The following LMO7 variants were observed in gnomAD, a reference collection of about 807,000 sequenced individuals.
LMO7 encodes LIM domain 7.
LMO7 carries 120 observed loss-of-function variants against 206.5 expected under a neutral mutation model. The ratio of observed to expected loss-of-function variants is 0.58; its 90% CI spans 0.50 to 0.68. The LOEUF (loss-of-function observed/expected upper bound fraction) is 0.68. Ranked by LOEUF, LMO7 falls within the 30% of genes least tolerant of loss-of-function variation. The pLI is 0.00. For synonymous variants in LMO7, 706 were observed against 681.5 expected (o/e 1.04, Z -0.56); for missense variants, 1,959 against 1,957.9 (o/e 1.00, Z -0.01).
intron 1 of LMO7, among the ~76,000 whole-genome samples, chr13:75,697,835 A>G (rs551373202): frequency 6.6e-6 from 1 of 152,334 alleles, no homozygotes; most frequent in South Asian, 2.1e-4. Flanking sequence ...CAGTGTATCT[A>G]CTTTTGAGAT....
At chr13:75,675,729 T>TA (rs1392349356) in intron 1 of LMO7, among the ~76,000 whole-genome samples, 1 of 152,246 alleles carries the variant, frequency 6.6e-6, no homozygotes, top group Non-Finnish European at 1.5e-5. Flanking sequence ...TCATTCATTG[T>TA]AAAATGCTTT....
Position 75,823,752 on chromosome 13 carries a change from C to A in LMO7, c.2828C>A (p.Ser943Tyr), listed in dbSNP as rs1320246912. ...CCCTCTCCTACATCCCCCTTCTCAT[C>A]TCTTTCCCAAGACCAGGCTGCCACT... Reference protein sequence around the residue: ...RLPSPTSPFSSLSQDQAATSK... With the variant: ...RLPSPTSPFSYLSQDQAATSK... Residue 943 changes from serine (S) to tyrosine (Y), a missense_variant, in exon 15 of 31, where the codon TCT (serine) becomes TAT (tyrosine). By Grantham distance (144) the Ser-to-Tyr change is moderately radical. Coordinates refer to ENST00000377534, the MANE Select transcript of LMO7 (RefSeq NM_001306080.2). The A allele has an allele frequency of 1.2e-6, 2 of 1,614,136 alleles. No individual in the cohort carries two copies. The highest frequency in any genetic ancestry group is 1.7e-6 in the Non-Finnish European group (2 of 1,179,992).
At chr13:75,728,376 G>C (rs1288231654) in intron 3 of LMO7, among the ~76,000 whole-genome samples, 1 of 152,216 alleles carries the variant, frequency 6.6e-6, no homozygotes, top group Non-Finnish European at 1.5e-5. Flanking sequence ...GATGGCCAGT[G>C]ATGATGAGTA....
chr13:75,706,307 C>T (rs1160774794), intron 1 of LMO7, among the ~76,000 whole-genome samples: 2 of 152,242 alleles, frequency 1.3e-5, no homozygotes, highest in East Asian at 1.9e-4. Flanking sequence ...CCTAATAGTC[C>T]TGCTATAAAA....
In LMO7 at chr13:75,853,338, G is replaced by T. The variant is rs776487535; in HGVS notation, c.4611G>T (p.Pro1537=). 1.9e-6 allele frequency: 3 copies of T among 1,612,884 alleles called. No homozygotes were observed. Among genetic ancestry groups the T allele is most frequent in the South Asian group, 2.2e-5 (2 of 90,852 alleles). Residue 1537 remains proline (P), a synonymous_variant, in exon 28 of 31, where the codon CCG becomes CCT. Transcript: ENST00000377534. ...TGVATTQSPT[P]RSHSPSASQS... is the part of the protein sequence containing the mutation. ...TGGCCACCACACAGTCCCCCACCCC[G>T]AGAAGCCATTCCCCTTCAGCTTCAC...
intron 1 of LMO7, among the ~76,000 whole-genome samples, chr13:75,684,918 T>C (rs928804009): frequency 1.9e-4 from 29 of 152,306 alleles, no homozygotes; most frequent in African/African-American, 6.0e-4. Context: ...TTCTCACTTA[T>C]AGTGATTTAC....
chr13:75,707,823 CGTAA>C (rs2042773846), intron 1 of LMO7, among the ~76,000 whole-genome samples: 3 of 151,656 alleles, frequency 2.0e-5, no homozygotes, highest in South Asian at 4.2e-4. Flanking sequence ...TTGGAAAGTA[CGTAA>C]GTACAAGAGT....
chr13:75,735,496 T>C (rs1281635215), intron 3 of LMO7, among the ~76,000 whole-genome samples: 1 of 152,192 alleles, frequency 6.6e-6, no homozygotes, highest in African/African-American at 2.4e-5. Flanking sequence ...GGAGTCTCAC[T>C]CTGTCGCTGG....
At chr13:75,824,796 T>C (rs2057953113) in intron 15 of LMO7, among the ~76,000 whole-genome samples, 1 of 152,118 alleles carries the variant, frequency 6.6e-6, no homozygotes, top group Non-Finnish European at 1.5e-5. Flanking sequence ...ATATGACTTG[T>C]CCTAAGTTAT....
chr13:75,709,695 A>G (rs1044674168), intron 1 of LMO7, among the ~76,000 whole-genome samples: 4 of 152,092 alleles, frequency 2.6e-5, no homozygotes, highest in South Asian at 2.1e-4. Flanking sequence ...GATTCTGGAT[A>G]TTAGCCCTTT....
chr13:75,670,106 C>T (rs751440872), intron 1 of LMO7, among the ~76,000 whole-genome samples: 3 of 152,206 alleles, frequency 2.0e-5, no homozygotes, highest in Admixed American at 6.5e-5. Flanking sequence ...GAAATACATA[C>T]ACCTCTCTCC....
chr13:75,689,968 C>A (rs2041326535), intron 1 of LMO7, among the ~76,000 whole-genome samples: 1 of 152,068 alleles, frequency 6.6e-6, no homozygotes, highest in African/African-American at 2.4e-5. Context: ...TCTAGAGAAC[C>A]CTGACTAATA....
At position 75,840,385 on chromosome 13, in the gene LMO7, G is replaced by T. The variant is rs1306712153; in HGVS notation, c.3478-6G>T. The stretch of plus-strand genomic sequence containing the variant: ...TATTTGCATCTCTTCTCTGATAACT[G>T]GTTAGCTTCCAGTTCCAACCATCAG... On this transcript the variant is annotated splice_region_variant and splice_polypyrimidine_tract_variant and intron_variant, in intron 21 of 30. Coordinates refer to ENST00000377534, the MANE Select transcript of LMO7 (RefSeq NM_001306080.2). 3 of 1,613,812 alleles carry T rather than the reference G, an allele frequency of 1.9e-6. No individual in the cohort carries two copies. The highest frequency in any genetic ancestry group is 1.3e-5 in the African/African-American group (1 of 74,912).
At chr13:75,787,611 G>A (rs563807194) in intron 4 of LMO7, among the ~76,000 whole-genome samples, 20 of 152,292 alleles carry the variant, frequency 1.3e-4, no homozygotes, top group Admixed American at 4.6e-4. Flanking sequence ...TACAGAAATC[G>A]TCAGGTTCAT....
At chr13:75,761,075 ATT>A in intron 4 of LMO7, 37 bp downstream of exon 4, 5 of 849,956 alleles carry the variant, frequency 5.9e-6, no homozygotes, top group Non-Finnish European at 6.7e-6. Context: ...ATATATATAT[ATT>A]TAAACTTAGG....
chr13:75,731,984 T>A (rs1399218374), intron 3 of LMO7, among the ~76,000 whole-genome samples: 4 of 152,238 alleles, frequency 2.6e-5, no homozygotes, highest in Non-Finnish European at 4.4e-5. Context: ...GAGTTTCTGC[T>A]GACAGATCCG....
intron 16 of LMO7, 126 bp from the exon 17 acceptor site, chr13:75,834,100 C>A: frequency 1.5e-6 from 1 of 651,478 alleles, no homozygotes; most frequent in Non-Finnish European, 2.5e-6. Context: ...AAATAGTGAC[C>A]TCCACCTGAA....
At chr13:75,713,126 G>T in intron 1 of LMO7, 56 bp from the exon 2 acceptor site, 2 of 1,225,948 alleles carry the variant, frequency 1.6e-6, no homozygotes, top group Non-Finnish European at 2.4e-6. Context: ...ATACTGAATT[G>T]GACTTGTGTG....
chr13:75,636,325 A>G (rs1374221405), upstream of LMO7: 3 of 1,124,060 alleles, frequency 2.7e-6, no homozygotes, highest in Non-Finnish European at 2.2e-6. Flanking sequence ...CGACTTTTGA[A>G]GTCCAAACTG....
Sources: allele counts gnomAD v4.1 joint callset (sites outside exome capture counted in the v4.1 genomes callset), GRCh38; gene constraint gnomAD v4.1.1; transcripts MANE v1.5; gene names NCBI Gene and HGNC (gene_info 2026-07-23, HGNC 2026-07-21).